The following GNPTAB variants were observed in gnomAD, a reference collection of about 807,000 sequenced individuals.
GNPTAB encodes the protein N-acetylglucosamine-1-phosphotransferase subunits alpha/beta.
A neutral mutation model predicts 136.6 loss-of-function variants in GNPTAB; 92 were observed. That is an observed-to-expected ratio of 0.67 (90% CI 0.57 to 0.80). GNPTAB has a LOEUF of 0.80. Ranked by LOEUF, GNPTAB falls within the 30% of genes least tolerant of loss-of-function variation. The pLI is 0.00. For missense variants in GNPTAB, 1,343 were observed against 1,501.8 expected (o/e 0.89, Z 1.75); for synonymous variants, 512 against 535.1 (o/e 0.96, Z 0.60).
Position 101,830,668 on chromosome 12 carries a change from A to G in GNPTAB, c.8T>C (p.Phe3Ser), listed in dbSNP as rs1352631041. 6.3e-7 allele frequency: 1 copy of G among 1,586,154 alleles called. No homozygotes were observed. Among genetic ancestry groups the G allele is most frequent in the African/African-American group, 1.3e-5 (1 of 74,190 alleles). Residue 3 changes from phenylalanine (F) to serine (S), a missense_variant, in exon 1 of 21, where the codon TTC becomes TCC. Phe to Ser is a radical substitution (Grantham distance 155, BLOSUM62 -2). Coordinates refer to ENST00000299314, the MANE Select transcript of GNPTAB (RefSeq NM_024312.5). ...ATAGGTCTGTCTCTGCAGGAGCTTG[A>G]ACAGCATCACCCCTTCACCGCCACG... is the stretch of plus-strand genomic sequence containing the variant. Reference protein sequence around the residue: MLFKLLQRQTYTC... With the variant: MLSKLLQRQTYTC...
intron 10 of GNPTAB, among the ~76,000 whole-genome samples, chr12:101,768,410 G>T (rs1276388812): frequency 6.6e-6 from 1 of 152,172 alleles, no homozygotes; most frequent in Non-Finnish European, 1.5e-5. Flanking sequence ...AGCAGACAAG[G>T]ATTCAACTCA....
intron 1 of GNPTAB, among the ~76,000 whole-genome samples, chr12:101,824,405 CATATATATAT>C (rs373112951): frequency 0.025 from 1,195 of 47,812 alleles, 37 homozygotes; most frequent in Admixed American, 0.087. Flanking sequence ...GAAATTTCAC[CATATATATAT>C]ATATATATAT....
At chr12:101,753,292 C>T (rs1254569549) in intron 19 of GNPTAB, 80 bp downstream of exon 19, 9 of 1,120,328 alleles carry the variant, frequency 8.0e-6, no homozygotes, top group Non-Finnish European at 1.2e-5. Flanking sequence ...ATAAAAAAAA[C>T]ATTTCATCAC....
At position 101,757,259 on chromosome 12, in the gene GNPTAB, G is replaced by A. The variant is rs551411643; in HGVS notation, c.3387C>T (p.Asn1129=). 23 of 1,609,952 alleles carry A rather than the reference G, an allele frequency of 1.4e-5. No individual in the cohort carries two copies. The highest frequency in any genetic ancestry group is 3.3e-4 in the Middle Eastern group (2 of 6,066). ...CCAACTGGCCAACCACATGAGAAAC[G>A]TTGGTACGAATCATTTTAAAAGCGA... ...EEIAFKMIRT[N]VSHVVGQLDD... The change falls in exon 18 of 21, where the codon AAC becomes AAT. Residue 1129 remains asparagine, a synonymous_variant. Transcript: ENST00000299314.
chr12:101,768,049 C>G lies in GNPTAB; in HGVS notation c.1396G>C (p.Gly466Arg). 1 of 1,614,142 alleles carries G rather than the reference C, an allele frequency of 6.2e-7. No homozygotes were observed. Among genetic ancestry groups the G allele is most frequent in the South Asian group, 1.1e-5 (1 of 91,086 alleles). Residue 466 changes from glycine to arginine, a missense_variant, in exon 11 of 21, where the codon GGG becomes CGG. Coordinates refer to ENST00000299314, the MANE Select transcript of GNPTAB (RefSeq NM_024312.5). ...AACACATCCTTACCAGAGCAATCCC[C>G]ACCATCCCAATCGCAGGCTGAATTA... is the stretch of plus-strand genomic sequence containing the variant. ...CNNSACDWDG[G>R]DCSGNSGGSR...
rs1953059308 is a variant in GNPTAB at position 101,764,729 on chromosome 12, A to T, written c.2188T>A (p.Leu730Met). Residue 730 changes from leucine to methionine, a missense_variant, in exon 13 of 21, where the codon TTG (leucine) becomes ATG (methionine). By Grantham distance (15) the Leu-to-Met change is conservative. Coordinates refer to ENST00000299314, the MANE Select transcript of GNPTAB (RefSeq NM_024312.5). Reference protein sequence around the residue: ...HGDITLKGYNLSKSALLRSFL... With the variant: ...HGDITLKGYNMSKSALLRSFL... ...GATCTCAGCAAGGCTGACTTGGACA[A>T]ATTGTATCCTTTCAAAGTGATGTCT... The T allele has an allele frequency of 6.2e-7, 1 of 1,613,546 alleles. No homozygotes were observed. The highest frequency in any genetic ancestry group is 8.5e-7 in the Non-Finnish European group (1 of 1,179,658).
At chr12:101,765,944 C>T in intron 12 of GNPTAB, 147 bp downstream of exon 12, 1 of 739,054 alleles carries the variant, frequency 1.4e-6, no homozygotes. Flanking sequence ...ATGTTGTTCT[C>T]TTACTTTCAT....
At chr12:101,771,554 T>G (rs117933489) in intron 7 of GNPTAB, among the ~76,000 whole-genome samples, 1,640 of 152,280 alleles carry the variant, frequency 0.011, 20 homozygotes, top group Non-Finnish European at 0.014. Flanking sequence ...TGATCTTTAA[T>G]CTTGAAATGG....
chr12:101,763,769 C>T (rs1384446608), intron 13 of GNPTAB, among the ~76,000 whole-genome samples: 3 of 152,190 alleles, frequency 2.0e-5, no homozygotes, highest in Non-Finnish European at 2.9e-5. Context: ...TACAGGGCAA[C>T]GAGCAGTCCA....
chr12:101,768,356 C>T (rs1258535214), intron 10 of GNPTAB, among the ~76,000 whole-genome samples, 196 bp from the exon 11 acceptor site: 2 of 152,160 alleles, frequency 1.3e-5, no homozygotes, highest in Non-Finnish European at 2.9e-5. Flanking sequence ...CTGCGTTGAC[C>T]GTTCTTACTG....
In GNPTAB at chr12:101,764,645, T is replaced by C. The variant is rs1179289184; in HGVS notation, c.2272A>G (p.Thr758Ala). 1 of 1,613,756 alleles carries C rather than the reference T, an allele frequency of 6.2e-7. No homozygotes were observed. Among genetic ancestry groups the C allele is most frequent in the East Asian group, 2.2e-5 (1 of 44,906 alleles). The change falls in exon 13 of 21, where the codon ACA (threonine) becomes GCA (alanine). Residue 758 changes from threonine (T) to alanine (A), a missense_variant. Physicochemically the swap from Thr to Ala is moderately conservative, Grantham distance 58 (BLOSUM62 0). Transcript: ENST00000299314. Reference protein sequence around the residue: ...IKNQAIITDETNDSLVAPQEK... With the variant: ...IKNQAIITDEANDSLVAPQEK... ...TGTGGAGCCACCAAACTGTCATTTGTTTCATCTGTTATTATAGCTTGATTT... is the reference window on the plus strand; with the variant it reads ...TGTGGAGCCACCAAACTGTCATTTGCTTCATCTGTTATTATAGCTTGATTT...
At chr12:101,808,692 A>C (rs1234624096) in intron 1 of GNPTAB, among the ~76,000 whole-genome samples, 1 of 152,258 alleles carries the variant, frequency 6.6e-6, no homozygotes, top group Non-Finnish European at 1.5e-5. Flanking sequence ...CATGCCTGTA[A>C]TCCCAGCACT....
At chr12:101,805,835 G>T (rs1023840748) in intron 1 of GNPTAB, among the ~76,000 whole-genome samples, 3 of 152,062 alleles carry the variant, frequency 2.0e-5, no homozygotes, top group African/African-American at 7.2e-5. Context: ...AGAAACATAT[G>T]CCGAGGAAAT....
At chr12:101,776,112 T>C (rs1449532969) in intron 7 of GNPTAB, among the ~76,000 whole-genome samples, 1 of 152,250 alleles carries the variant, frequency 6.6e-6, no homozygotes, top group Non-Finnish European at 1.5e-5. Context: ...CTCCACGTTT[T>C]GCACACTCAC....
At chr12:101,768,766 C>T (rs1953130375) in intron 10 of GNPTAB, among the ~76,000 whole-genome samples, 1 of 152,174 alleles carries the variant, frequency 6.6e-6, no homozygotes, top group Non-Finnish European at 1.5e-5. Context: ...ATCTCTGTGC[C>T]TTTGCATATT....
chr12:101,824,440 T>A (rs1439393276), intron 1 of GNPTAB, among the ~76,000 whole-genome samples: 2 of 92,734 alleles, frequency 2.2e-5, no homozygotes, highest in African/African-American at 8.4e-5. Flanking sequence ...ATATTTTCTT[T>A]TTTTTTTTTT....
chr12:101,764,263 G>A lies in GNPTAB; in HGVS notation c.2654C>T (p.Thr885Ile). The change falls in exon 13 of 21, where the codon ACA (threonine) becomes ATA (isoleucine). Residue 885 changes from threonine to isoleucine, a missense_variant. Coordinates refer to ENST00000299314, the MANE Select transcript of GNPTAB (RefSeq NM_024312.5). ...TGGCAAAAAGCCCAAGTAACTATCT[G>A]TGTAATGCTGCAGCTTTCTTCCAAG... is the stretch of plus-strand genomic sequence containing the variant. ...VLLGRKLQHY[T>I]DSYLGFLPWE... The A allele has an allele frequency of 6.2e-7, 1 of 1,614,032 alleles. No individual in the cohort carries two copies. Among genetic ancestry groups the A allele is most frequent in the South Asian group, 1.1e-5 (1 of 91,064 alleles).
Position 101,830,004 on chromosome 12 carries a change from CAAAAAAA to C in GNPTAB, c.117+548_117+554del, listed in dbSNP as rs35884808. Among the ~76,000 whole-genome samples, 386 of 106,138 alleles carry C rather than the reference CAAAAAAA, an allele frequency of 3.6e-3. 3 individuals carry two copies. Among genetic ancestry groups the C allele is most frequent in the Non-Finnish European group, 5.7e-3 (281 of 49,370 alleles). 69.6% of individuals were successfully genotyped at this position (106,138 alleles called of 152,430 possible). ...TTTAAAACCTTTTGTAACCTCCTAC[CAAAAAAA>C]AAAAAAAAAAAGAAAAAGAAAAAAA... is the stretch of plus-strand genomic sequence containing the variant. On this transcript the variant is annotated intron_variant, in intron 1 of 20. Transcript: ENST00000299314.
At chr12:101,780,034 C>G in intron 7 of GNPTAB, 118 bp downstream of exon 7, 1 of 1,012,370 alleles carries the variant, frequency 9.9e-7, no homozygotes, top group Non-Finnish European at 1.6e-6. Flanking sequence ...AACAGAATCC[C>G]TCTTTGCTTC....
Sources: gnomAD v4.1 joint callset for allele counts (sites outside exome capture counted in the v4.1 genomes callset) on GRCh38, gnomAD v4.1.1 for gene constraint, MANE v1.5 for transcripts, NCBI Gene and HGNC (gene_info 2026-07-23, HGNC 2026-07-21) for gene names.